Variants in VPS13A observed in about 807,000 individuals in gnomAD.
The protein encoded by VPS13A is vacuolar protein sorting 13 homolog A.
VPS13A carries 264 observed loss-of-function variants against 390.9 expected under a neutral mutation model. The ratio of observed to expected loss-of-function variants is 0.68; its 90% CI spans 0.61 to 0.75. VPS13A has a LOEUF of 0.75. Among genes scored for constraint, VPS13A ranks in the 30% least tolerant of loss-of-function variants. The pLI is 0.00. For missense variants in VPS13A, 3,409 were observed against 3,733.9 expected (o/e 0.91, Z 2.27); for synonymous variants, 1,231 against 1,227.1 (o/e 1.00, Z -0.07).
chr9:77,384,658 A>T, intron 68 of VPS13A: 22 of 1,604,296 alleles, frequency 1.4e-5, no homozygotes, highest in Non-Finnish European at 1.9e-5. Context: ...GATGATGATG[A>T]TGATGAGTCA....
intron 5 of VPS13A, 77 bp from the exon 6 acceptor site, chr9:77,209,346 C>T (rs1825845602): frequency 2.0e-6 from 2 of 990,138 alleles, no homozygotes; most frequent in South Asian, 1.4e-5. Flanking sequence ...GCAACGTAAG[C>T]ATGTTACTTC....
chr9:77,213,479 G>A (rs1220196164), intron 9 of VPS13A, among the ~76,000 whole-genome samples, 165 bp downstream of exon 9: 2 of 150,808 alleles, frequency 1.3e-5, no homozygotes, highest in Admixed American at 1.3e-4. Flanking sequence ...ACACAAACAT[G>A]AATACATACC....
chr9:77,252,114 G>A, intron 21 of VPS13A, 121 bp from the exon 22 acceptor site: 2 of 803,938 alleles, frequency 2.5e-6, no homozygotes, highest in Non-Finnish European at 4.3e-6. Flanking sequence ...GTGACATTAA[G>A]ATTACCTAGA....
chr9:77,364,862 T>C (rs978258312), intron 59 of VPS13A, among the ~76,000 whole-genome samples: 1 of 152,232 alleles, frequency 6.6e-6, no homozygotes, highest in Non-Finnish European at 1.5e-5. Context: ...ATTTCAGAAA[T>C]TGATTTCTAA....
chr9:77,353,654 A>C lies in VPS13A; in HGVS notation c.7652+13A>C, dbSNP rs768055623. On this transcript the variant is annotated intron_variant, in intron 54 of 71. Coordinates refer to ENST00000360280, the MANE Select transcript of VPS13A (RefSeq NM_033305.3). ...TAGGCATTACAAGGTTAGATGCATT[A>C]AATTTTGGATACATTTAAATGATCA... The C allele has an allele frequency of 5.0e-5, 79 of 1,593,690 alleles. No homozygotes were observed. The South Asian group carries it at 6.3e-4, about 13-fold the overall frequency.
intron 31 of VPS13A, among the ~76,000 whole-genome samples, chr9:77,283,908 C>A (rs915470776): frequency 1.3e-5 from 2 of 150,102 alleles, no homozygotes; most frequent in Non-Finnish European, 3.0e-5. Flanking sequence ...GAGATAAGTA[C>A]GAATAATGCT....
Position 77,412,114 on chromosome 9 carries a change from C to G in VPS13A, c.9475-3842C>G, listed in dbSNP as rs570392458. On this transcript the variant is annotated intron_variant, in intron 71 of 71. Transcript: ENST00000360280. ...GAGGCAATAATTAATAGCTTACCAACCAAAAAAAGTCCAGGACCAGATGGA... is the reference window on the plus strand; with the variant it reads ...GAGGCAATAATTAATAGCTTACCAAGCAAAAAAAGTCCAGGACCAGATGGA... Among the ~76,000 whole-genome samples, 3 of 152,160 alleles carry G rather than the reference C, an allele frequency of 2.0e-5. No individual in the cohort carries two copies. In the South Asian group the frequency reaches 6.2e-4, roughly 32 times the overall value.
At chr9:77,382,920 G>A (rs1833518276) in intron 68 of VPS13A, 11 of 985,200 alleles carry the variant, frequency 1.1e-5, no homozygotes, top group African/African-American at 1.7e-5. Context: ...TAGGTAACTA[G>A]TAATCATATA....
At chr9:77,233,475 T>C (rs1162829960) in intron 17 of VPS13A, among the ~76,000 whole-genome samples, 5 of 152,178 alleles carry the variant, frequency 3.3e-5, no homozygotes, top group African/African-American at 4.8e-5. Context: ...CTCTTTTTAG[T>C]TCTTTAAAGT....
At chr9:77,365,408 A>G (rs1378596516) in intron 59 of VPS13A, 52 bp from the exon 60 acceptor site, 7 of 1,174,378 alleles carry the variant, frequency 6.0e-6, no homozygotes, top group Non-Finnish European at 8.9e-6. Flanking sequence ...TTGCTTAAAT[A>G]TCTCATGCAG....
chr9:77,298,046 T>C (rs1828117380), intron 33 of VPS13A, among the ~76,000 whole-genome samples: 1 of 152,184 alleles, frequency 6.6e-6, no homozygotes, highest in African/African-American at 2.4e-5. Context: ...CACTTTAGGT[T>C]ACAGGCTTGG....
At position 77,242,710 on chromosome 9, in the gene VPS13A, T is replaced by C. The variant is rs190665270; in HGVS notation, c.1900+4324T>C. Among the ~76,000 whole-genome samples, 648 of 151,972 alleles carry C rather than the reference T, an allele frequency of 4.3e-3. 3 individuals carry two copies. Among genetic ancestry groups the C allele is most frequent in the South Asian group, 0.01 (49 of 4,814 alleles). On this transcript the variant is annotated intron_variant, in intron 19 of 71. Coordinates refer to ENST00000360280, the MANE Select transcript of VPS13A (RefSeq NM_033305.3). Reference sequence around the variant, plus strand: ...AAATACAAATTAATCATATTGGAAATCCACTATAGACATTCAGATTTTGAG... The same window carrying C: ...AAATACAAATTAATCATATTGGAAACCCACTATAGACATTCAGATTTTGAG...
chr9:77,316,089 A>G (rs903095152), intron 38 of VPS13A, 85 bp from the exon 39 acceptor site: 7 of 757,418 alleles, frequency 9.2e-6, no homozygotes, highest in African/African-American at 1.9e-5. Context: ...ACTTTTTACT[A>G]TTATTTCATT....
chr9:77,386,201 C>T (rs1482906801), intron 68 of VPS13A, among the ~76,000 whole-genome samples: 1 of 152,124 alleles, frequency 6.6e-6, no homozygotes, highest in East Asian at 1.9e-4. Flanking sequence ...TGCACCCACT[C>T]CTCTCTCACC....
chr9:77,328,049 ATAT>A (rs1348359620), intron 45 of VPS13A, among the ~76,000 whole-genome samples: 5 of 152,166 alleles, frequency 3.3e-5, no homozygotes, highest in South Asian at 2.1e-4. Context: ...AATGAGACTA[ATAT>A]TATTTAAGTC....
intron 46 of VPS13A, among the ~76,000 whole-genome samples, chr9:77,333,134 A>G (rs927439336): frequency 2.0e-5 from 3 of 152,196 alleles, no homozygotes; most frequent in Non-Finnish European, 2.9e-5. Flanking sequence ...CATGTAAGAT[A>G]TATTTAAAAA....
intron 33 of VPS13A, among the ~76,000 whole-genome samples, chr9:77,301,220 T>C (rs1388299747): frequency 6.6e-6 from 1 of 152,166 alleles, no homozygotes; most frequent in East Asian, 1.9e-4. Flanking sequence ...AAAATACAAG[T>C]ATTTATTATG....
chr9:77,369,322 C>G lies in VPS13A; in HGVS notation c.8577C>G (p.Leu2859=), dbSNP rs767817254. 2 of 1,613,186 alleles carry G rather than the reference C, an allele frequency of 1.2e-6. No individual in the cohort carries two copies. Among genetic ancestry groups the G allele is most frequent in the Non-Finnish European group, 1.7e-6 (2 of 1,179,244 alleles). The change falls in exon 63 of 72, where the codon CTC becomes CTG. Residue 2859 remains leucine (L), a synonymous_variant. Transcript: ENST00000360280. ...AGGCCATTAAGCAGATGTATGTACT[C>G]ATTCTTGGACTTGATGTTTTGGGAA... The part of the protein sequence containing the change: ...SKQAIKQMYV[L]ILGLDVLGNP...
At chr9:77,293,235 G>T in intron 31 of VPS13A, 106 bp from the exon 32 acceptor site, 2 of 1,031,964 alleles carry the variant, frequency 1.9e-6, no homozygotes, top group Non-Finnish European at 2.9e-6. Context: ...GTGAATACTT[G>T]GGAGATTTTC....
Sources: allele counts gnomAD v4.1 joint callset (sites outside exome capture counted in the v4.1 genomes callset), GRCh38; gene constraint gnomAD v4.1.1; transcripts MANE v1.5; gene names NCBI Gene and HGNC (gene_info 2026-07-23, HGNC 2026-07-21).